Variants in CDA observed in about 807,000 individuals in gnomAD.
CDA encodes cytidine aminohydrolase.
CDA carries 7 observed loss-of-function variants against 15.0 expected under a neutral mutation model. The ratio of observed to expected loss-of-function variants is 0.47; its 90% CI spans 0.26 to 0.87. CDA has a LOEUF of 0.87. Among genes scored for constraint, CDA ranks in the 40% least tolerant of loss-of-function variants. The pLI is 0.15. For missense variants in CDA, 159 were observed against 182.7 expected (o/e 0.87, Z 0.75); for synonymous variants, 58 against 73.0 (o/e 0.79, Z 1.05).
chr1:20,598,087 C>T (rs74419977), intron 1 of CDA, among the ~76,000 whole-genome samples: 3,821 of 152,158 alleles, frequency 0.025, 74 homozygotes, highest in African/African-American at 0.054. Flanking sequence ...AATGCATAAG[C>T]GTACTTTGGA....
At chr1:20,604,474 C>T (rs989885293) in intron 1 of CDA, among the ~76,000 whole-genome samples, 23 of 152,154 alleles carry the variant, frequency 1.5e-4, no homozygotes, top group African/African-American at 5.6e-4. Flanking sequence ...TCCAAAGGCC[C>T]CACTTCCTAA....
intron 1 of CDA, among the ~76,000 whole-genome samples, chr1:20,591,407 C>G (rs1196614205): frequency 6.6e-6 from 1 of 152,152 alleles, no homozygotes; most frequent in Non-Finnish European, 1.5e-5. Flanking sequence ...ATAAGTGACA[C>G]CTGGGAGCTC....
intron 1 of CDA, among the ~76,000 whole-genome samples, chr1:20,591,947 G>C (rs1484828902): frequency 6.6e-6 from 1 of 151,602 alleles, no homozygotes; most frequent in Non-Finnish European, 1.5e-5. Flanking sequence ...AGGTTCAAGC[G>C]ATTCTCCTGC....
intron 1 of CDA, among the ~76,000 whole-genome samples, chr1:20,594,514 G>A (rs181548866): frequency 5.3e-5 from 8 of 152,088 alleles, no homozygotes; most frequent in African/African-American, 1.4e-4. Context: ...TGGGCCAGGC[G>A]CGGTGGCTCA....
intron 2 of CDA, among the ~76,000 whole-genome samples, chr1:20,609,967 T>A (rs138356511): frequency 3.3e-5 from 5 of 152,242 alleles, no homozygotes; most frequent in Admixed American, 1.3e-4. Flanking sequence ...AAGGTAGTAA[T>A]GGTGAGGATT....
intron 2 of CDA, among the ~76,000 whole-genome samples, chr1:20,605,899 G>A (rs2052692230): frequency 7.9e-6 from 1 of 125,854 alleles, no homozygotes; most frequent in Non-Finnish European, 1.8e-5. Flanking sequence ...TCACAGTGTT[G>A]TACCATTGGA....
intron 1 of CDA, among the ~76,000 whole-genome samples, chr1:20,591,087 C>A (rs1374804802): frequency 1.3e-5 from 2 of 152,198 alleles, no homozygotes; most frequent in Non-Finnish European, 2.9e-5. Context: ...CGCCTGTAAC[C>A]CCAGCACTTT....
At chr1:20,611,144 G>A (rs1445159035) in intron 2 of CDA, among the ~76,000 whole-genome samples, 5 of 152,216 alleles carry the variant, frequency 3.3e-5, no homozygotes, top group South Asian at 2.1e-4. Context: ...GGAGGCTGAG[G>A]TAGGAGGAGC....
chr1:20,597,848 G>A (rs2052603850), intron 1 of CDA, among the ~76,000 whole-genome samples: 1 of 151,620 alleles, frequency 6.6e-6, no homozygotes, highest in African/African-American at 2.4e-5. Context: ...CAGCATTTCA[G>A]GATGCAGTAC....
intron 1 of CDA, among the ~76,000 whole-genome samples, chr1:20,598,892 CA>C (rs1244568067): frequency 6.6e-6 from 1 of 152,190 alleles, no homozygotes; most frequent in Non-Finnish European, 1.5e-5. Context: ...GGACATACCA[CA>C]ACACATGTTA....
intron 3 of CDA, among the ~76,000 whole-genome samples, chr1:20,617,120 C>T (rs1048807182): frequency 3.3e-5 from 5 of 152,178 alleles, no homozygotes; most frequent in Admixed American, 3.3e-4. Flanking sequence ...AACCTCTTGC[C>T]TACCATCCTG....
intron 1 of CDA, among the ~76,000 whole-genome samples, chr1:20,596,647 C>T (rs2052593570): frequency 6.6e-6 from 1 of 151,960 alleles, no homozygotes; most frequent in African/African-American, 2.4e-5. Context: ...TTTAATCTTG[C>T]TAGGATCCCT....
intron 3 of CDA, among the ~76,000 whole-genome samples, chr1:20,615,468 C>CA (rs1331194616): frequency 1.3e-4 from 1 of 7,848 alleles, no homozygotes; most frequent in Non-Finnish European, 3.3e-4. Flanking sequence ...CCCTGTTCTC[C>CA]ACAAAAAAAA....
At chr1:20,613,682 G>A (rs147114313) in intron 2 of CDA, among the ~76,000 whole-genome samples, 160 bp from the exon 3 acceptor site, 3 of 152,356 alleles carry the variant, frequency 2.0e-5, no homozygotes, top group African/African-American at 7.2e-5. Context: ...CCACCACGTG[G>A]CCTTCTCAGC....
intron 1 of CDA, among the ~76,000 whole-genome samples, chr1:20,601,757 A>G (rs2052646031): frequency 1.3e-5 from 2 of 152,322 alleles, no homozygotes; most frequent in South Asian, 4.1e-4. Context: ...ATACAAGAAG[A>G]TAATGACCAA....
At chr1:20,595,299 G>T (rs1444294141) in intron 1 of CDA, among the ~76,000 whole-genome samples, 1 of 152,028 alleles carries the variant, frequency 6.6e-6, no homozygotes, top group Non-Finnish European at 1.5e-5. Flanking sequence ...ACTGAATCCA[G>T]CCTACCTTGG....
At chr1:20,592,829 A>G (rs932862988) in intron 1 of CDA, among the ~76,000 whole-genome samples, 9 of 152,264 alleles carry the variant, frequency 5.9e-5, no homozygotes. Flanking sequence ...GCGGTGGCTC[A>G]TGCCAGTAAT....
chr1:20,604,604 G>A (rs562146359), intron 1 of CDA, among the ~76,000 whole-genome samples: 5 of 152,138 alleles, frequency 3.3e-5, no homozygotes, highest in Admixed American at 6.5e-5. Flanking sequence ...TGTAAGCCTC[G>A]GGATCTACCC....
chr1:20,605,535 T>C lies in CDA; in HGVS notation c.266+496T>C, dbSNP rs75833989. Among the ~76,000 whole-genome samples, 7 of 122,630 alleles carry C rather than the reference T, an allele frequency of 5.7e-5. 1 individual carries two copies. Among genetic ancestry groups the C allele is most frequent in the African/African-American group, 2.0e-4 (7 of 34,966 alleles). The allele number at this position is 122,630 out of a possible 152,430, so 80.5% of individuals were successfully genotyped here. On this transcript the variant is annotated intron_variant, in intron 2 of 3. Transcript: ENST00000375071. Reference sequence around the variant, plus strand: ...ATTAGCTGAGCGTGGTGGCGGATGCTTGTAGTCCCAGCTACTTGGGAGGCT... The same window carrying C: ...ATTAGCTGAGCGTGGTGGCGGATGCCTGTAGTCCCAGCTACTTGGGAGGCT...
Sources: allele counts gnomAD v4.1 joint callset (sites outside exome capture counted in the v4.1 genomes callset), GRCh38; gene constraint gnomAD v4.1.1; transcripts MANE v1.5; gene names NCBI Gene and HGNC (gene_info 2026-07-23, HGNC 2026-07-21).